The following PDE4D variants were observed in gnomAD, a reference collection of about 807,000 sequenced individuals.
The protein encoded by PDE4D is phosphodiesterase 4D, also known as 3',5'-cyclic-AMP phosphodiesterase 4D.
Under a neutral mutation model 87.4 loss-of-function variants are expected in PDE4D, and 24 were observed. That is an observed-to-expected ratio of 0.27 (90% CI 0.20 to 0.39). The LOEUF (loss-of-function observed/expected upper bound fraction) is 0.39, where lower values mean the gene tolerates loss of function less well. Among genes scored for constraint, PDE4D ranks in the 10% least tolerant of loss-of-function variants. PDE4D has a pLI of 1.00. For synonymous variants in PDE4D, 384 were observed against 383.2 expected, an observed-to-expected ratio of 1.00 and a Z score of -0.02; for missense variants, 714 against 1,041.0, an observed-to-expected ratio of 0.69 and a Z score of 4.32.
chr5:59,023,516 T>C (rs1755624648), intron 6 of PDE4D, among the ~76,000 whole-genome samples: 1 of 150,766 alleles, frequency 6.6e-6, no homozygotes, highest in Non-Finnish European at 1.5e-5. Flanking sequence ...GAAAAGCCGG[T>C]CTGGTGGCAC....
chr5:60,269,148 T>G (rs1360233461), intron 1 of PDE4D, among the ~76,000 whole-genome samples: 1 of 151,982 alleles, frequency 6.6e-6, no homozygotes, highest in Non-Finnish European at 1.5e-5. Context: ...ACTAAAAATA[T>G]TTTAAAAAAT....
At chr5:59,619,026 C>T (rs1830037565) in intron 1 of PDE4D, among the ~76,000 whole-genome samples, 2 of 152,146 alleles carry the variant, frequency 1.3e-5, no homozygotes, top group Non-Finnish European at 2.9e-5. Flanking sequence ...TATAGCAACA[C>T]AGACTGACTT....
intron 1 of PDE4D, among the ~76,000 whole-genome samples, chr5:59,557,438 C>T (rs1819137445): frequency 6.6e-6 from 1 of 152,140 alleles, no homozygotes; most frequent in South Asian, 2.1e-4. Context: ...TATGCCACCC[C>T]TGCCGCCATT....
At chr5:59,856,037 C>T (rs989479423) in intron 1 of PDE4D, among the ~76,000 whole-genome samples, 7 of 151,892 alleles carry the variant, frequency 4.6e-5, no homozygotes, top group African/African-American at 1.7e-4. Context: ...GATGACAATC[C>T]GATGTGAAAA....
intron 1 of PDE4D, among the ~76,000 whole-genome samples, chr5:59,475,380 G>A (rs1335332096): frequency 6.6e-6 from 1 of 152,072 alleles, no homozygotes; most frequent in Admixed American, 6.6e-5. Flanking sequence ...AACCCCACTT[G>A]AAATAGGGTA....
At chr5:60,068,004 T>G (rs7731007) in intron 2 of PDE4D, among the ~76,000 whole-genome samples, 44,702 of 152,132 alleles carry the variant, frequency 0.29, 7,307 homozygotes, top group East Asian at 0.74. Flanking sequence ...AAATCTTAAC[T>G]ATTGTGAATA....
chr5:59,109,071 A>G (rs530792466), intron 5 of PDE4D, among the ~76,000 whole-genome samples: 115 of 150,730 alleles, frequency 7.6e-4, no homozygotes, highest in African/African-American at 2.7e-3. Context: ...ATACATTCTC[A>G]TCTTTTTCTA....
chr5:60,154,028 A>G (rs1437579204), intron 2 of PDE4D, among the ~76,000 whole-genome samples: 1 of 145,122 alleles, frequency 6.9e-6, no homozygotes, highest in Admixed American at 6.7e-5. Flanking sequence ...TTACCATAAT[A>G]AAAAAACAAG....
Position 58,975,034 on chromosome 5 carries a change from G to A in PDE4D, c.2060C>T (p.Ala687Val). Residue 687 changes from alanine to valine, a missense_variant, in exon 15 of 15, where the codon GCA becomes GTA. Around this residue, in one of 7 missense-constraint regions of PDE4D, gnomAD observed 97 missense variants for 176.9 expected, o/e 0.55. Coordinates refer to ENST00000340635, the MANE Select transcript of PDE4D (RefSeq NM_001104631.2). The surrounding 1 kb of genome is among the most constrained non-coding windows in gnomAD (Gnocchi z 4.2). ...YIVHPLWETWADLVHPDAQDI... is the reference protein window; with the variant it reads ...YIVHPLWETWVDLVHPDAQDI... ...CTGGGCGTCAGGGTGGACGAGGTCT[G>A]CCCATGTCTCCCAGAGGGGATGAAC... 1 of 1,592,838 alleles carries A rather than the reference G, an allele frequency of 6.3e-7. No homozygotes were observed. The highest frequency in any genetic ancestry group is 8.6e-7 in the Non-Finnish European group (1 of 1,166,524).
chr5:59,883,364 AT>A, intron 1 of PDE4D, among the ~76,000 whole-genome samples: 1 of 152,302 alleles, frequency 6.6e-6, no homozygotes, highest in East Asian at 1.9e-4. Flanking sequence ...GTCTAGAAGA[AT>A]TTTCCAAGTT....
intron 1 of PDE4D, among the ~76,000 whole-genome samples, chr5:59,401,060 C>G (rs1043042163): frequency 6.6e-6 from 1 of 152,324 alleles, no homozygotes; most frequent in East Asian, 1.9e-4. Flanking sequence ...TCAGTGTACA[C>G]AAACTTTGTT....
rs542914951 is a variant in PDE4D at position 60,336,573 on chromosome 5, G to T, written c.-89-150886C>A. Among the ~76,000 whole-genome samples, 4 of 152,292 alleles carry T rather than the reference G, an allele frequency of 2.6e-5. No homozygotes were observed. In the South Asian group the frequency reaches 8.3e-4, roughly 32 times the overall value. On this transcript the variant is annotated intron_variant, in intron 1 of 16. Transcript: ENST00000502484. ...ACTGGTTTATAAACTGGAAAGCCAA[G>T]AACTTCAGTCTTCAAAGCAGGCTAG... is the stretch of plus-strand genomic sequence containing the variant.
At chr5:60,047,502 T>C (rs1264158319) in intron 2 of PDE4D, among the ~76,000 whole-genome samples, 4 of 152,234 alleles carry the variant, frequency 2.6e-5, no homozygotes, top group Admixed American at 6.5e-5. Flanking sequence ...CTTGTGGGCA[T>C]TTAGTGCTAT....
At chr5:59,401,812 G>C (rs1790702692) in intron 1 of PDE4D, among the ~76,000 whole-genome samples, 1 of 152,194 alleles carries the variant, frequency 6.6e-6, no homozygotes, top group South Asian at 2.1e-4. Context: ...GAAAGGTCTG[G>C]ACATTGTGAG....
intron 1 of PDE4D, among the ~76,000 whole-genome samples, chr5:60,192,219 A>C (rs1785252751): frequency 6.6e-6 from 1 of 152,184 alleles, no homozygotes; most frequent in Non-Finnish European, 1.5e-5. Flanking sequence ...CTCACTATTA[A>C]TAAAATGAAA....
intron 1 of PDE4D, among the ~76,000 whole-genome samples, chr5:60,337,755 T>C (rs1034516790): frequency 6.6e-6 from 1 of 152,030 alleles, no homozygotes; most frequent in African/African-American, 2.4e-5. Context: ...ATTTTTTTCA[T>C]TCTCCATAGG....
chr5:59,189,232 G>GTTTTTTTTTTTTTTTTTT, intron 3 of PDE4D, among the ~76,000 whole-genome samples: 1 of 99,928 alleles, frequency 1.0e-5, no homozygotes, highest in Non-Finnish European at 2.1e-5. Flanking sequence ...TTCCTACCCC[G>GTTTTTTTTTTTTTTTTTT]TTTTTTTTTT....
chr5:60,434,126 G>A (rs1351507537), intron 1 of PDE4D, among the ~76,000 whole-genome samples: 1 of 152,104 alleles, frequency 6.6e-6, no homozygotes, highest in East Asian at 1.9e-4. Context: ...GACATGATCA[G>A]GAATCTTCAT....
intron 1 of PDE4D, among the ~76,000 whole-genome samples, chr5:60,251,275 T>G (rs1036685521): frequency 1.3e-5 from 2 of 151,730 alleles, no homozygotes. Context: ...ACTCATGTCA[T>G]GGGGGTTTGG....
Sources: allele counts gnomAD v4.1 joint callset (sites outside exome capture counted in the v4.1 genomes callset), GRCh38; gene constraint gnomAD v4.1.1; regional missense constraint gnomAD v4.1.1; non-coding constraint Gnocchi (gnomAD v3.1); transcripts MANE v1.5; gene names NCBI Gene and HGNC (gene_info 2026-07-23, HGNC 2026-07-21).